RIPK1: variants seen among roughly 807,000 people sequenced by gnomAD.
RIPK1 encodes the protein receptor-interacting serine/threonine-protein kinase 1.
A neutral mutation model predicts 62.4 loss-of-function variants in RIPK1; 27 were observed. The ratio of observed to expected loss-of-function variants is 0.43; its 90% CI spans 0.32 to 0.60. The LOEUF (loss-of-function observed/expected upper bound fraction) is 0.60, where lower values mean the gene tolerates loss of function less well. Ranked by LOEUF, RIPK1 falls within the 20% of genes least tolerant of loss-of-function variation. RIPK1 has a pLI of 0.07. For synonymous variants in RIPK1, 287 were observed against 303.2 expected, an observed-to-expected ratio of 0.95 and a Z score of 0.55; for missense variants, 735 against 831.0, an observed-to-expected ratio of 0.88 and a Z score of 1.42.
At chr6:3,077,740 G>C in intron 2 of RIPK1, 39 bp from the exon 3 acceptor site, 1 of 1,609,144 alleles carries the variant, frequency 6.2e-7, no homozygotes, top group Non-Finnish European at 8.5e-7. Flanking sequence ...TGAGGCGCTG[G>C]CTCTGCCAGC....
intron 7 of RIPK1, among the ~76,000 whole-genome samples, chr6:3,095,522 T>C (rs750568307): frequency 1.3e-5 from 2 of 152,220 alleles, no homozygotes; most frequent in African/African-American, 2.4e-5. Context: ...CCAATCTTGT[T>C]TAACAGTATA....
chr6:3,108,557 G>C (rs1455003257), intron 9 of RIPK1, among the ~76,000 whole-genome samples: 1 of 152,188 alleles, frequency 6.6e-6, no homozygotes, highest in South Asian at 2.1e-4. Context: ...AGCTGGAGGT[G>C]GTGGGCCAGG....
chr6:3,084,199 C>T (rs746487454), intron 5 of RIPK1, among the ~76,000 whole-genome samples: 4 of 152,186 alleles, frequency 2.6e-5, no homozygotes, highest in Non-Finnish European at 4.4e-5. Context: ...CACCGTCCAC[C>T]ATTCATGTGG....
At chr6:3,068,331 T>C (rs920657565), upstream of RIPK1, 2 of 985,290 alleles carry the variant, frequency 2.0e-6, no homozygotes, top group Non-Finnish European at 2.4e-6. Flanking sequence ...CTCTTTTACG[T>C]AGGCCGCCCC....
chr6:3,109,785 A>AC (rs776862324), intron 9 of RIPK1, among the ~76,000 whole-genome samples: 71 of 151,882 alleles, frequency 4.7e-4, no homozygotes, highest in Non-Finnish European at 9.1e-4. Context: ...TTAAACACCA[A>AC]CTCCCCAGCT....
At chr6:3,108,992 C>T (rs1377107487) in intron 9 of RIPK1, among the ~76,000 whole-genome samples, 1 of 152,192 alleles carries the variant, frequency 6.6e-6, no homozygotes, top group African/African-American at 2.4e-5. Flanking sequence ...GAACTGTCTT[C>T]TCAACCACCT....
intron 7 of RIPK1, among the ~76,000 whole-genome samples, chr6:3,095,302 G>A (rs1438307136): frequency 1.3e-5 from 2 of 152,092 alleles, no homozygotes; most frequent in Non-Finnish European, 2.9e-5. Flanking sequence ...AAAAGAAGCA[G>A]TGATAAAAAA....
intron 6 of RIPK1, 89 bp from the exon 7 acceptor site, chr6:3,089,492 G>T: frequency 1.4e-6 from 1 of 708,194 alleles, no homozygotes; most frequent in South Asian, 1.6e-5. Context: ...ACAGATTGAG[G>T]TAAGTAATTC....
At chr6:3,069,541 C>G (rs565614222) in intron 1 of RIPK1, among the ~76,000 whole-genome samples, 1 of 152,294 alleles carries the variant, frequency 6.6e-6, no homozygotes, top group African/African-American at 2.4e-5. Context: ...AATCAGAGCT[C>G]TTTTTTATTT....
At position 3,076,795 on chromosome 6, in the gene RIPK1, T is replaced by C. The variant is rs773046370; in HGVS notation, c.-29T>C. The C allele has an allele frequency of 1.2e-6, 2 of 1,607,592 alleles. No individual in the cohort carries two copies. The highest frequency in any genetic ancestry group is 2.3e-5 in the East Asian group (1 of 44,212). On this transcript the variant is annotated 5_prime_UTR_variant, in exon 2 of 11. Transcript: ENST00000259808. ...GCTCTGCCGGGGGGGGAAAAAGTGG[T>C]ACCATTTTGGGCGTTCTTGAGCTTC...
intron 7 of RIPK1, among the ~76,000 whole-genome samples, chr6:3,090,569 C>A (rs1490499678): frequency 2.0e-5 from 3 of 148,552 alleles, no homozygotes; most frequent in South Asian, 2.1e-4. Context: ...TCAAAATCAA[C>A]CAGCCAAAAG....
At chr6:3,107,559 T>A (rs1183359806) in intron 9 of RIPK1, among the ~76,000 whole-genome samples, 1 of 107,296 alleles carries the variant, frequency 9.3e-6, no homozygotes, top group Non-Finnish European at 1.7e-5. Flanking sequence ...AGCGAGACTG[T>A]CGCAAAAAAA....
intron 2 of RIPK1, 123 bp downstream of exon 2, chr6:3,077,110 T>A: frequency 2.3e-6 from 2 of 855,462 alleles, no homozygotes; most frequent in Admixed American, 2.9e-5. Context: ...TGCCAAGATG[T>A]CAGGGTGACG....
chr6:3,090,310 T>C (rs1759970839), intron 7 of RIPK1, among the ~76,000 whole-genome samples: 1 of 152,038 alleles, frequency 6.6e-6, no homozygotes, highest in Non-Finnish European at 1.5e-5. Context: ...CTGCCAACTC[T>C]GGAATCAAGC....
In RIPK1 at chr6:3,115,076, C is replaced by A. The variant is rs903540965; in HGVS notation, c.*1737C>A. 1 of 152,120 alleles carries A rather than the reference C, an allele frequency of 6.6e-6. No individual in the cohort carries two copies. The highest frequency in any genetic ancestry group is 2.4e-5 in the African/African-American group (1 of 41,410). 9.4% of individuals were successfully genotyped at this position (152,120 alleles called of 1,614,324 possible). On this transcript the variant is annotated 3_prime_UTR_variant, in exon 11 of 11. Coordinates refer to ENST00000259808, the MANE Select transcript of RIPK1 (RefSeq NM_001354930.2). The stretch of plus-strand genomic sequence containing the variant: ...TCTGTTTGCTCCTTGTACCACCATC[C>A]AAATGGTGTTATCAAATCTCTTAGA...
Position 3,112,575 on chromosome 6 carries a change from G to A in RIPK1, c.1730-478G>A, listed in dbSNP as rs142820411. 2.8e-3 allele frequency among the ~76,000 whole-genome samples: 433 copies of A among 152,302 alleles called. 3 individuals carry two copies. Among genetic ancestry groups the A allele is most frequent in the African/African-American group, 9.6e-3 (399 of 41,554 alleles). On this transcript the variant is annotated intron_variant, in intron 10 of 10. Transcript: ENST00000259808. ...AGACAACATCCTGCTCTGTGGCCCA[G>A]GCTGAAGTACAGGGGCACAGTCATG...
At chr6:3,111,557 C>T (rs1007198902) in intron 10 of RIPK1, among the ~76,000 whole-genome samples, 9 of 151,688 alleles carry the variant, frequency 5.9e-5, no homozygotes, top group African/African-American at 2.2e-4. Flanking sequence ...AATGTTAGGC[C>T]CTGCTGGCTT....
intron 1 of RIPK1, among the ~76,000 whole-genome samples, chr6:3,076,406 A>G (rs1404882425): frequency 6.6e-6 from 1 of 151,960 alleles, no homozygotes; most frequent in Admixed American, 6.6e-5. Context: ...AATGGCTCAC[A>G]CCTGTAATCT....
chr6:3,113,340 C>T lies in RIPK1; in HGVS notation c.*1C>T, dbSNP rs2113727239. 2 of 1,612,372 alleles carry T rather than the reference C, an allele frequency of 1.2e-6. No homozygotes were observed. Among genetic ancestry groups the T allele is most frequent in the South Asian group, 2.2e-5 (2 of 90,996 alleles). On this transcript the variant is annotated 3_prime_UTR_variant, in exon 11 of 11. Coordinates refer to ENST00000259808, the MANE Select transcript of RIPK1 (RefSeq NM_001354930.2). The surrounding 1 kb of genome is among the most constrained non-coding windows in gnomAD (Gnocchi z 5.0). ...CTTGATTTACGTCAGCCAGAACTAA[C>T]CCTGGATGGGCTACGGCAGCTGAAG...
Sources: allele counts gnomAD v4.1 joint callset (sites outside exome capture counted in the v4.1 genomes callset), GRCh38; gene constraint gnomAD v4.1.1; non-coding constraint Gnocchi (gnomAD v3.1); transcripts MANE v1.5; gene names NCBI Gene and HGNC (gene_info 2026-07-23, HGNC 2026-07-21).